CISD2: variants seen among roughly 807,000 people sequenced by gnomAD.
CISD2 encodes CDGSH iron sulfur domain 2.
Under a neutral mutation model 12.9 loss-of-function variants are expected in CISD2, and 1 was observed. The ratio of observed to expected loss-of-function variants is 0.08; its 90% CI spans 0.03 to 0.37. The LOEUF (loss-of-function observed/expected upper bound fraction) is 0.37. Ranked by LOEUF, CISD2 falls within the 10% of genes least tolerant of loss-of-function variation. The pLI is 0.99. For synonymous variants in CISD2, 50 were observed against 60.6 expected, an observed-to-expected ratio of 0.83 and a Z score of 0.81; for missense variants, 97 against 163.1, an observed-to-expected ratio of 0.59 and a Z score of 2.21.
At chr4:102,875,412 A>G (rs1233707448) in intron 1 of CISD2, among the ~76,000 whole-genome samples, 1 of 152,204 alleles carries the variant, frequency 6.6e-6, no homozygotes, top group Non-Finnish European at 1.5e-5. Flanking sequence ...CCTTTCTAAC[A>G]GGGAGTGTGT....
At chr4:102,869,382 GC>G (rs1402785251) in intron 1 of CISD2, 195 bp downstream of exon 1, 52 of 750,728 alleles carry the variant, frequency 6.9e-5, no homozygotes, top group Non-Finnish European at 1.2e-4. Context: ...GGTGCTTGAT[GC>G]CCCAGGGTCT....
intron 1 of CISD2, chr4:102,874,659 C>T (rs878995717): frequency 2.6e-5 from 4 of 152,058 alleles, no homozygotes; most frequent in Admixed American, 2.0e-4. Context: ...TTGGACTTCT[C>T]GCCACTAGAA....
chr4:102,877,625 G>T (rs1385848511), intron 1 of CISD2, among the ~76,000 whole-genome samples: 2 of 152,230 alleles, frequency 1.3e-5, no homozygotes, highest in Admixed American at 1.3e-4. Flanking sequence ...GGGACTCTGT[G>T]TGAGGGCTCC....
chr4:102,880,450 A>C (rs1438980682), intron 1 of CISD2, among the ~76,000 whole-genome samples: 1 of 152,240 alleles, frequency 6.6e-6, no homozygotes, highest in Non-Finnish European at 1.5e-5. Context: ...TACCAAATAA[A>C]TACATAAATG....
At chr4:102,887,281 T>C in intron 2 of CISD2, 60 bp from the exon 3 acceptor site, 1 of 1,004,862 alleles carries the variant, frequency 1.0e-6, no homozygotes, top group South Asian at 1.3e-5. Flanking sequence ...ATTTCACAAA[T>C]GTTTCTACCT....
At position 102,869,015 on chromosome 4, in the gene CISD2, C is replaced by A; in HGVS notation, c.-70C>A. 1 of 1,479,944 alleles carries A rather than the reference C, an allele frequency of 6.8e-7. No individual in the cohort carries two copies. Among genetic ancestry groups the A allele is most frequent in the Middle Eastern group, 2.2e-4 (1 of 4,446 alleles). 91.7% of individuals were successfully genotyped at this position (1,479,944 alleles called of 1,614,324 possible). ...CCAGTGCCCGCCGGCCGCTTCCGCT[C>A]CCGGCGCAGGCGCGGCAGCTTGGCC... On this transcript the variant is annotated 5_prime_UTR_variant, in exon 1 of 3. Transcript: ENST00000273986.
Position 102,891,671 on chromosome 4 carries a change from T to C in CISD2, c.*4241T>C, listed in dbSNP as rs1734255665. On this transcript the variant is annotated 3_prime_UTR_variant, in exon 3 of 3. Coordinates refer to ENST00000273986, the MANE Select transcript of CISD2 (RefSeq NM_001008388.5). The stretch of plus-strand genomic sequence containing the variant: ...GATTGGAGGCTTTATCACAGGAAGT[T>C]TTCCCATTCAATTGAAACATTTTTC... The C allele has an allele frequency of 6.6e-6, 1 of 152,206 alleles. No individual in the cohort carries two copies. Among genetic ancestry groups the C allele is most frequent in the South Asian group, 2.1e-4 (1 of 4,830 alleles). 9.4% of individuals were successfully genotyped at this position (152,206 alleles called of 1,614,324 possible). A position where few individuals can be genotyped will look rare whatever the true frequency, so the allele number is the denominator to read the frequency against.
chr4:102,887,192 G>C (rs1359271715), intron 2 of CISD2, 149 bp from the exon 3 acceptor site: 2 of 585,032 alleles, frequency 3.4e-6, no homozygotes, highest in Non-Finnish European at 6.2e-6. Flanking sequence ...ATATGGTTCA[G>C]TTGGATGTAG....
At chr4:102,883,133 C>T (rs763322619) in intron 1 of CISD2, among the ~76,000 whole-genome samples, 20 of 152,146 alleles carry the variant, frequency 1.3e-4, no homozygotes, top group Non-Finnish European at 2.5e-4. Context: ...CAATTTAATT[C>T]CTAGAGATAC....
chr4:102,884,916 C>T, intron 1 of CISD2: 1 of 344,548 alleles, frequency 2.9e-6, no homozygotes, highest in South Asian at 2.7e-5. Context: ...ATCATAACTC[C>T]TAAAATAAAA....
chr4:102,887,279 A>G (rs1733976444), intron 2 of CISD2, 62 bp from the exon 3 acceptor site: 2 of 1,000,350 alleles, frequency 2.0e-6, no homozygotes, highest in South Asian at 1.3e-5. Context: ...GCATTTCACA[A>G]ATGTTTCTAC....
chr4:102,891,543 G>A lies in CISD2; in HGVS notation c.*4113G>A, dbSNP rs1578322103. 6.6e-6 allele frequency: 1 copy of A among 152,316 alleles called. No homozygotes were observed. The highest frequency in any genetic ancestry group is 2.4e-5 in the African/African-American group (1 of 41,566). The allele number at this position is 152,316 out of a possible 1,614,324, so 9.4% of individuals were successfully genotyped here. On this transcript the variant is annotated 3_prime_UTR_variant, in exon 3 of 3. Transcript: ENST00000273986. ...TGTGTTATTCAAAAAGGCAGGATAT[G>A]TGTTGCATTTGGTGGTAACAATTTC...
intron 1 of CISD2, among the ~76,000 whole-genome samples, chr4:102,873,830 AT>A (rs773525418): frequency 6.6e-6 from 1 of 151,964 alleles, no homozygotes; most frequent in Non-Finnish European, 1.5e-5. Context: ...ACATTTAAAA[AT>A]TGGCAAAACA....
chr4:102,876,017 A>G (rs556989048), intron 1 of CISD2, among the ~76,000 whole-genome samples: 15 of 152,294 alleles, frequency 9.8e-5, no homozygotes, highest in African/African-American at 3.6e-4. Context: ...GCCCCAGGTT[A>G]GTTTTTCTCT....
In CISD2 at chr4:102,889,456, C is replaced by T. The variant is rs912853936; in HGVS notation, c.*2026C>T. ...CATCTCACAGCAACTTGTTTTCACACATGTTCTAGTGGTTCCCATAACTTA... is the reference window on the plus strand; with the variant it reads ...CATCTCACAGCAACTTGTTTTCACATATGTTCTAGTGGTTCCCATAACTTA... On this transcript the variant is annotated 3_prime_UTR_variant, in exon 3 of 3. Coordinates refer to ENST00000273986, the MANE Select transcript of CISD2 (RefSeq NM_001008388.5). 1.3e-5 allele frequency: 2 copies of T among 152,226 alleles called. No individual in the cohort carries two copies. Among genetic ancestry groups the T allele is most frequent in the African/African-American group, 4.8e-5 (2 of 41,464 alleles). 9.4% of individuals were successfully genotyped at this position (152,226 alleles called of 1,614,324 possible).
chr4:102,884,445 G>A (rs1008178461), intron 1 of CISD2, among the ~76,000 whole-genome samples: 1 of 152,164 alleles, frequency 6.6e-6, no homozygotes, highest in Non-Finnish European at 1.5e-5. Flanking sequence ...AATTCTATAA[G>A]AACAGAAAAG....
chr4:102,869,017 C>G lies in CISD2; in HGVS notation c.-68C>G. 1 of 1,483,312 alleles carries G rather than the reference C, an allele frequency of 6.7e-7. No individual in the cohort carries two copies. Among genetic ancestry groups the G allele is most frequent in the Non-Finnish European group, 9.0e-7 (1 of 1,114,868 alleles). 91.9% of individuals were successfully genotyped at this position (1,483,312 alleles called of 1,614,324 possible). On this transcript the variant is annotated 5_prime_UTR_variant, in exon 1 of 3. Transcript: ENST00000273986. ...AGTGCCCGCCGGCCGCTTCCGCTCC[C>G]GGCGCAGGCGCGGCAGCTTGGCCAG... is the stretch of plus-strand genomic sequence containing the variant.
Position 102,885,294 on chromosome 4 carries a change from C to G in CISD2, c.182C>G (p.Pro61Arg), listed in dbSNP as rs142253163. 3.7e-6 allele frequency: 6 copies of G among 1,613,916 alleles called. No homozygotes were observed. In the South Asian group the frequency reaches 4.4e-5, roughly 12 times the overall value. ...TACCTTGCAGTTCGTCCATTCCTCCCGAAGAAGAAACAACAGAAGGATAGC... is the reference window on the plus strand; with the variant it reads ...TACCTTGCAGTTCGTCCATTCCTCCGGAAGAAGAAACAACAGAAGGATAGC... ...LGYLAVRPFL[P>R]KKKQQKDSLI... Residue 61 changes from proline to arginine, a missense_variant, in exon 2 of 3, where the codon CCG becomes CGG. Pro to Arg is a moderately radical substitution (Grantham distance 103). Coordinates refer to ENST00000273986, the MANE Select transcript of CISD2 (RefSeq NM_001008388.5).
intron 1 of CISD2, among the ~76,000 whole-genome samples, chr4:102,879,709 T>C (rs1733671290): frequency 6.6e-6 from 1 of 151,872 alleles, no homozygotes; most frequent in Non-Finnish European, 1.5e-5. Flanking sequence ...GAGGCAGAGG[T>C]TGCAGTGAGC....
Sources: gnomAD v4.1 joint callset for allele counts (sites outside exome capture counted in the v4.1 genomes callset) on GRCh38, gnomAD v4.1.1 for gene constraint, MANE v1.5 for transcripts, NCBI Gene and HGNC (gene_info 2026-07-23, HGNC 2026-07-21) for gene names.